Variants in CHAF1A observed in about 807,000 individuals in gnomAD.
CHAF1A encodes the protein CAF-1 subunit A.
CHAF1A carries 5 observed loss-of-function variants against 93.2 expected under a neutral mutation model. That is an observed-to-expected ratio of 0.05 (90% confidence interval 0.03 to 0.11). The LOEUF (loss-of-function observed/expected upper bound fraction) is 0.11. CHAF1A is among the 10% of genes least tolerant of loss of function. CHAF1A has a pLI of 1.00. For synonymous variants in CHAF1A, 504 were observed against 510.3 expected (o/e 0.99, Z 0.17); for missense variants, 1,102 against 1,259.9 (o/e 0.87, Z 1.90).
intron 3 of CHAF1A, 90 bp from the exon 4 acceptor site, chr19:4,417,930 G>C (rs1370178215): frequency 5.8e-6 from 5 of 867,164 alleles, no homozygotes; most frequent in Non-Finnish European, 9.3e-6. Flanking sequence ...GGTTCTGTTG[G>C]TGGAAAAACT....
intron 3 of CHAF1A, among the ~76,000 whole-genome samples, chr19:4,415,229 G>A (rs1170552120): frequency 2.0e-5 from 3 of 152,138 alleles, no homozygotes; most frequent in Admixed American, 6.5e-5. Context: ...ATAAAGTTCT[G>A]TCAGACTTCA....
chr19:4,440,095 C>A (rs929823370), intron 13 of CHAF1A, among the ~76,000 whole-genome samples: 1 of 152,144 alleles, frequency 6.6e-6, no homozygotes, highest in East Asian at 1.9e-4. Flanking sequence ...ATGGCCTGAC[C>A]GTTGTGTTGC....
chr19:4,408,460 C>CATTTTTTTTTTTTTTTT (rs1568429224), intron 2 of CHAF1A, among the ~76,000 whole-genome samples: 1 of 51,768 alleles, frequency 1.9e-5, no homozygotes, highest in Non-Finnish European at 3.3e-5. Context: ...CCGCACCCGG[C>CATTTTTTTTTTTTTTTT]CTTTTTTTTT....
intron 12 of CHAF1A, among the ~76,000 whole-genome samples, chr19:4,432,540 C>T (rs958535855): frequency 1.3e-5 from 2 of 151,982 alleles, no homozygotes; most frequent in Non-Finnish European, 2.9e-5. Context: ...GTGGGAGGAT[C>T]GCTTGAGCCT....
chr19:4,443,121 G>A lies in CHAF1A; in HGVS notation c.*96G>A, dbSNP rs1285364213. The A allele has an allele frequency of 3.6e-6, 3 of 825,314 alleles. No individual in the cohort carries two copies. Among genetic ancestry groups the A allele is most frequent in the Admixed American group, 4.0e-5 (2 of 50,004 alleles). The allele number at this position is 825,314 out of a possible 1,614,324, so 51.1% of individuals were successfully genotyped here. The stretch of plus-strand genomic sequence containing the variant: ...TCCTGTGTAAAGAGCACTTTGTCCT[G>A]CTTCACGGACCTCCCCAAAGTGTGC... On this transcript the variant is annotated 3_prime_UTR_variant, in exon 15 of 15. Coordinates refer to ENST00000301280, the MANE Select transcript of CHAF1A (RefSeq NM_005483.3).
At chr19:4,435,363 CCA>C (rs1201798027) in intron 13 of CHAF1A, among the ~76,000 whole-genome samples, 1 of 152,036 alleles carries the variant, frequency 6.6e-6, no homozygotes, top group African/African-American at 2.4e-5. Flanking sequence ...CAGGCATGAG[CCA>C]CCACGCCTGT....
At chr19:4,428,201 A>C (rs1974119057) in intron 7 of CHAF1A, among the ~76,000 whole-genome samples, 1 of 148,766 alleles carries the variant, frequency 6.7e-6, no homozygotes, top group South Asian at 2.1e-4. Context: ...CATGTTGGGC[A>C]GGCTGGTCTC....
intron 2 of CHAF1A, among the ~76,000 whole-genome samples, chr19:4,407,688 C>T (rs914642368): frequency 6.6e-6 from 1 of 152,182 alleles, no homozygotes; most frequent in African/African-American, 2.4e-5. Context: ...TGACTCACAT[C>T]TGTAGTCCCA....
At chr19:4,439,424 G>A (rs985089059) in intron 13 of CHAF1A, among the ~76,000 whole-genome samples, 9 of 152,322 alleles carry the variant, frequency 5.9e-5, no homozygotes, top group Middle Eastern at 3.4e-3. Context: ...TGCTGCTGGC[G>A]AGATGACAGC....
chr19:4,417,708 G>C (rs1021839257), intron 3 of CHAF1A, among the ~76,000 whole-genome samples: 6 of 152,070 alleles, frequency 3.9e-5, no homozygotes, highest in African/African-American at 1.2e-4. Flanking sequence ...TGATCTGTCT[G>C]CCTCGGCCTC....
chr19:4,411,644 C>CTTTTTTTTTTGTTT (rs1973802442), intron 3 of CHAF1A, among the ~76,000 whole-genome samples: 1 of 48,204 alleles, frequency 2.1e-5, no homozygotes, highest in Non-Finnish European at 4.1e-5. Context: ...TGGTGCAAAT[C>CTTTTTTTTTTGTTT]TTTTTTTTTT....
At chr19:4,440,265 A>G (rs746264515) in intron 13 of CHAF1A, among the ~76,000 whole-genome samples, 3 of 152,024 alleles carry the variant, frequency 2.0e-5, no homozygotes, top group African/African-American at 2.4e-5. Context: ...GGTGGCCTCT[A>G]CGCATCCTGT....
intron 11 of CHAF1A, among the ~76,000 whole-genome samples, chr19:4,431,587 A>C (rs1568179717): frequency 6.6e-6 from 1 of 152,008 alleles, no homozygotes; most frequent in East Asian, 1.9e-4. Flanking sequence ...TCAGTCAGAG[A>C]GTGGTCTCAG....
At chr19:4,436,820 C>G (rs1974292001) in intron 13 of CHAF1A, among the ~76,000 whole-genome samples, 1 of 152,182 alleles carries the variant, frequency 6.6e-6, no homozygotes, top group Admixed American at 6.5e-5. Context: ...AAACACTGCT[C>G]TTGCTCCCTG....
downstream of CHAF1A, chr19:4,447,748 G>A: frequency 1.0e-6 from 1 of 955,572 alleles, no homozygotes; most frequent in African/African-American, 1.6e-5. Flanking sequence ...GGAAGAAGCG[G>A]CCCAGTGACG....
At chr19:4,413,148 T>C (rs991163190) in intron 3 of CHAF1A, among the ~76,000 whole-genome samples, 1 of 152,178 alleles carries the variant, frequency 6.6e-6, no homozygotes, top group Non-Finnish European at 1.5e-5. Context: ...TCTTGGCTCC[T>C]GCAACCGCTG....
intron 3 of CHAF1A, among the ~76,000 whole-genome samples, chr19:4,411,642 A>ATTTTTTTTTTTTTTTTTTTTTTTTTT (rs1202069647): frequency 7.9e-5 from 3 of 38,062 alleles, no homozygotes; most frequent in Admixed American, 2.8e-4. Flanking sequence ...AATGGTGCAA[A>ATTTTTTTTTTTTTTTTTTTTTTTTTT]TCTTTTTTTT....
chr19:4,429,647 A>C, intron 9 of CHAF1A, 41 bp downstream of exon 9: 2 of 1,613,952 alleles, frequency 1.2e-6, no homozygotes, highest in South Asian at 1.1e-5. Context: ...GTACCTCCTC[A>C]CTGTGCCCCT....
chr19:4,415,479 A>G (rs1473791273), intron 3 of CHAF1A, among the ~76,000 whole-genome samples: 4 of 152,210 alleles, frequency 2.6e-5, no homozygotes, highest in Non-Finnish European at 4.4e-5. Flanking sequence ...CACATTCCGT[A>G]TTATAATCTC....
Sources: allele counts gnomAD v4.1 joint callset (sites outside exome capture counted in the v4.1 genomes callset), GRCh38; gene constraint gnomAD v4.1.1; transcripts MANE v1.5; gene names NCBI Gene and HGNC (gene_info 2026-07-23, HGNC 2026-07-21).